Variants in PLA2G4D observed in about 807,000 individuals in gnomAD.
The protein encoded by PLA2G4D is phospholipase A2 group IVD, also known as cytosolic phospholipase A2 delta.
A neutral mutation model predicts 94.4 loss-of-function variants in PLA2G4D; 80 were observed. The observed-to-expected ratio is 0.85, with a 90% CI of 0.71 to 1.02. The LOEUF is 1.02. Among genes scored for constraint, PLA2G4D ranks in the 50% least tolerant of loss-of-function variants. PLA2G4D has a pLI of 0.00. For missense variants in PLA2G4D, 1,050 were observed against 1,034.7 expected (o/e 1.01, Z -0.20); for synonymous variants, 438 against 440.9 (o/e 0.99, Z 0.08).
Position 42,086,199 on chromosome 15 carries a change from A to ACCCCCC in PLA2G4D, c.387+13_387+14insGGGGGG. 3 of 233,122 alleles carry ACCCCCC rather than the reference A, an allele frequency of 1.3e-5. No individual in the cohort carries two copies. The highest frequency in any genetic ancestry group is 1.5e-5 in the Non-Finnish European group (2 of 132,700). 14.4% of individuals were successfully genotyped at this position (233,122 alleles called of 1,614,324 possible). The stretch of plus-strand genomic sequence containing the variant: ...AAGTGGGGCCCACGGGGACTTCCCC[A>ACCCCCC]CCCACCCACCCACCTGGGGACTCTG... On this transcript the variant is annotated intron_variant, in intron 4 of 19. Coordinates refer to ENST00000290472, the MANE Select transcript of PLA2G4D (RefSeq NM_178034.4).
intron 19 of PLA2G4D, among the ~76,000 whole-genome samples, chr15:42,069,553 G>C (rs1023586212): frequency 9.2e-5 from 14 of 152,332 alleles, no homozygotes; most frequent in Non-Finnish European, 1.5e-4. Flanking sequence ...CTGAGAAGGG[G>C]CCCAGCCTGG....
chr15:42,078,658 T>G (rs1018259652), intron 13 of PLA2G4D, among the ~76,000 whole-genome samples: 1 of 152,192 alleles, frequency 6.6e-6, no homozygotes, highest in Non-Finnish European at 1.5e-5. Context: ...CTATATAAAT[T>G]TATTTTTATA....
Position 42,087,154 on chromosome 15 carries a change from A to G in PLA2G4D, c.255+146T>C. 1.1e-5 allele frequency: 12 copies of G among 1,064,164 alleles called. No homozygotes were observed. In the South Asian group the frequency reaches 1.5e-4, roughly 13 times the overall value. The allele number at this position is 1,064,164 out of a possible 1,614,324, so 65.9% of individuals were successfully genotyped here. ...CATTCTTTCATACATTCCCTTGCAC[A>G]CAGCACAGACAGGCCAGGGCACAGA... On this transcript the variant is annotated intron_variant, in intron 3 of 19. Transcript: ENST00000290472.
intron 19 of PLA2G4D, among the ~76,000 whole-genome samples, chr15:42,069,428 TG>T (rs1337806078): frequency 6.6e-6 from 1 of 151,954 alleles, no homozygotes; most frequent in Non-Finnish European, 1.5e-5. Context: ...AAGGCAGCAA[TG>T]AGTTTTTCCC....
At chr15:42,082,738 G>A (rs1890061880) in intron 8 of PLA2G4D, among the ~76,000 whole-genome samples, 1 of 152,154 alleles carries the variant, frequency 6.6e-6, no homozygotes, top group South Asian at 2.1e-4. Context: ...CCTCTGAAGA[G>A]CCACCATTTG....
chr15:42,094,163 G>A (rs540042242), intron 1 of PLA2G4D, among the ~76,000 whole-genome samples: 2 of 152,192 alleles, frequency 1.3e-5, no homozygotes, highest in Admixed American at 6.5e-5. Flanking sequence ...TGGGGGAGAG[G>A]TCCCTAAGGA....
rs147516345 is a variant in PLA2G4D, at chr15:42,087,702, T to C, written c.46-2A>G. Reference sequence around the variant, plus strand: ...CTGCCAGCAGGTAGAGGCCTCCCCCTGAAGAGAAAATCAAACTCCAGAGTC... The same window carrying C: ...CTGCCAGCAGGTAGAGGCCTCCCCCCGAAGAGAAAATCAAACTCCAGAGTC... On this transcript the variant is annotated splice_acceptor_variant, in intron 1 of 19. Transcript: ENST00000290472. LOFTEE classifies it high-confidence loss of function. 381 of 1,600,040 alleles carry C rather than the reference T, an allele frequency of 2.4e-4. No homozygotes were observed. The highest frequency in any genetic ancestry group is 3.1e-4 in the Non-Finnish European group (367 of 1,169,224).
At chr15:42,087,461 T>A in intron 2 of PLA2G4D, 25 bp from the exon 3 acceptor site, 2 of 1,613,836 alleles carry the variant, frequency 1.2e-6, no homozygotes, top group Non-Finnish European at 1.7e-6. Context: ...GAAGTCTTCG[T>A]GAGGGAGTAC....
chr15:42,082,267 G>A lies in PLA2G4D; in HGVS notation c.783+12C>T, dbSNP rs764511972. On this transcript the variant is annotated intron_variant, in intron 9 of 19. Transcript: ENST00000290472. The stretch of plus-strand genomic sequence containing the variant: ...TCTTACTGGCATTTCCCATCCAGTT[G>A]AGGCCACTTACATTTGGAGCAGGAA... 1.9e-6 allele frequency: 3 copies of A among 1,603,142 alleles called. No individual in the cohort carries two copies. The highest frequency in any genetic ancestry group is 3.3e-5 in the Admixed American group (2 of 59,940).
chr15:42,068,766 G>T lies in PLA2G4D; in HGVS notation c.2406C>A (p.Thr802=). The part of the protein sequence containing the change: ...SQGAILQALR[T]ALKHRTLEAR... Reference sequence around the variant, plus strand: ...CCTCTAGAGTCCGGTGCTTCAGCGCGGTCCTCAGGGCCTGCAGGATGGCAC... The same window carrying T: ...CCTCTAGAGTCCGGTGCTTCAGCGCTGTCCTCAGGGCCTGCAGGATGGCAC... The change falls in exon 20 of 20, where the codon ACC becomes ACA. Residue 802 remains threonine, a synonymous_variant. Coordinates refer to ENST00000290472, the MANE Select transcript of PLA2G4D (RefSeq NM_178034.4). The T allele has an allele frequency of 3.1e-6, 5 of 1,612,776 alleles. No individual in the cohort carries two copies. The East Asian group carries it at 6.7e-5, about 22-fold the overall frequency.
intron 17 of PLA2G4D, 36 bp downstream of exon 17, chr15:42,071,086 AC>A (rs1566859905): frequency 2.1e-5 from 34 of 1,591,664 alleles, no homozygotes; most frequent in Non-Finnish European, 2.8e-5. Context: ...CAGAGGCCCA[AC>A]CTTGTGACCT....
chr15:42,068,907 G>C lies in PLA2G4D; in HGVS notation c.2265C>G (p.Gly755=), dbSNP rs894955769. The part of the protein sequence containing the change: ...VQRSPAELQG[G]QVDLTGATCP... ...AGGTGGCCCCGGTGAGATCCACTTGGCCACCCTGGAGCTCTGCGGGGCTGC... is the reference window on the plus strand; with the variant it reads ...AGGTGGCCCCGGTGAGATCCACTTGCCCACCCTGGAGCTCTGCGGGGCTGC... The change falls in exon 20 of 20, where the codon GGC becomes GGG. Residue 755 remains glycine, a synonymous_variant. Transcript: ENST00000290472. 3 of 1,612,758 alleles carry C rather than the reference G, an allele frequency of 1.9e-6. No homozygotes were observed. The highest frequency in any genetic ancestry group is 2.5e-6 in the Non-Finnish European group (3 of 1,179,922).
chr15:42,067,221 C>A lies in PLA2G4D; in HGVS notation c.*1494G>T, dbSNP rs1239469559. On this transcript the variant is annotated 3_prime_UTR_variant, in exon 20 of 20. Coordinates refer to ENST00000290472, the MANE Select transcript of PLA2G4D (RefSeq NM_178034.4). ...GTGTGTGTGTGTATGTGTACACGCA[C>A]CCTTGCATGAGGGAGGTAAGAAATG... 1 of 152,142 alleles carries A rather than the reference C, an allele frequency of 6.6e-6. No individual in the cohort carries two copies. Among genetic ancestry groups the A allele is most frequent in the Non-Finnish European group, 1.5e-5 (1 of 68,066 alleles). 9.4% of individuals were successfully genotyped at this position (152,142 alleles called of 1,614,324 possible).
rs200622461 is a variant in PLA2G4D at position 42,086,209 on chromosome 15, C to A, written c.387+4G>T. On this transcript the variant is annotated splice_donor_region_variant and intron_variant, in intron 4 of 19. Coordinates refer to ENST00000290472, the MANE Select transcript of PLA2G4D (RefSeq NM_178034.4). ...CACGGGGACTTCCCCACCCACCCAC[C>A]CACCTGGGGACTCTGGGAGAAGGTT... is the stretch of plus-strand genomic sequence containing the variant. 1.5e-6 allele frequency: 2 copies of A among 1,340,260 alleles called. No homozygotes were observed. Among genetic ancestry groups the A allele is most frequent in the South Asian group, 1.3e-5 (1 of 77,136 alleles). The allele number at this position is 1,340,260 out of a possible 1,614,324, so 83.0% of individuals were successfully genotyped here.
At chr15:42,081,728 C>G in intron 10 of PLA2G4D, 69 bp downstream of exon 10, 1 of 1,613,366 alleles carries the variant, frequency 6.2e-7, no homozygotes, top group Non-Finnish European at 8.5e-7. Flanking sequence ...CAAGGACCAC[C>G]TTTGTCCATA....
At chr15:42,083,116 G>T in intron 8 of PLA2G4D, 82 bp downstream of exon 8, 4 of 1,533,354 alleles carry the variant, frequency 2.6e-6, no homozygotes, top group Non-Finnish European at 3.5e-6. Context: ...GCCCTGGTGG[G>T]CAGGGAAGGC....
chr15:42,068,684 C>G lies in PLA2G4D; in HGVS notation c.*31G>C. 6.4e-7 allele frequency: 1 copy of G among 1,561,900 alleles called. No individual in the cohort carries two copies. Among genetic ancestry groups the G allele is most frequent in the Non-Finnish European group, 8.7e-7 (1 of 1,148,474 alleles). ...CTACAGATCAGGTTATGCCCGCAGG[C>G]CCTGGAGGGTCCTGCAGCCTCTGAG... On this transcript the variant is annotated 3_prime_UTR_variant, in exon 20 of 20. Transcript: ENST00000290472.
chr15:42,089,894 A>G (rs1890219757), intron 1 of PLA2G4D, among the ~76,000 whole-genome samples: 1 of 152,016 alleles, frequency 6.6e-6, no homozygotes. Context: ...ACTGTGGTTC[A>G]TTTCTCCCTC....
intron 18 of PLA2G4D, 181 bp from the exon 19 acceptor site, chr15:42,070,276 G>A (rs1253003938): frequency 1.7e-6 from 1 of 595,810 alleles, no homozygotes; most frequent in African/African-American, 1.9e-5. Context: ...GACTCTGGTG[G>A]TCTGCAATGT....
Sources: allele counts gnomAD v4.1 joint callset (sites outside exome capture counted in the v4.1 genomes callset), GRCh38; gene constraint gnomAD v4.1.1; transcripts MANE v1.5; gene names NCBI Gene and HGNC (gene_info 2026-07-23, HGNC 2026-07-21).